CEP89: variants seen among roughly 807,000 people sequenced by gnomAD.
CEP89 encodes centrosomal protein 89.
In CEP89, 95 loss-of-function variants were observed where a neutral mutation model predicts 97.6. That is an observed-to-expected ratio of 0.97 (90% CI 0.82 to 1.15). The LOEUF is 1.15. Ranked by LOEUF, CEP89 falls within the 50% of genes most tolerant of loss-of-function variation. The pLI is 0.00. For synonymous variants in CEP89, 354 were observed against 349.1 expected, an observed-to-expected ratio of 1.01 and a Z score of -0.16; for missense variants, 869 against 947.7, an observed-to-expected ratio of 0.92 and a Z score of 1.09.
chr19:32,895,712 G>GA (rs1204354875), intron 16 of CEP89, among the ~76,000 whole-genome samples: 2 of 148,040 alleles, frequency 1.4e-5, no homozygotes, highest in Middle Eastern at 3.4e-3. Context: ...CTTATATTTA[G>GA]AAAAAACTAG....
In CEP89 at chr19:32,878,991, CA is replaced by C; in HGVS notation, c.*170del. ...AAAAAAAAAAAATTAAAAAATAAAG[CA>C]AAATGTTATCAATGGATTAAACTAT... On this transcript the variant is annotated 3_prime_UTR_variant, in exon 19 of 19. Transcript: ENST00000305768. 2.2e-6 allele frequency: 1 copy of C among 461,698 alleles called. No homozygotes were observed. Among genetic ancestry groups the C allele is most frequent in the South Asian group, 5.8e-5 (1 of 17,184 alleles). 28.6% of individuals were successfully genotyped at this position (461,698 alleles called of 1,614,324 possible).
chr19:32,910,985 T>C (rs1220450067), intron 14 of CEP89, among the ~76,000 whole-genome samples: 3 of 152,244 alleles, frequency 2.0e-5, no homozygotes, highest in Non-Finnish European at 2.9e-5. Context: ...AACACAGTCA[T>C]TTACTATCAT....
chr19:32,911,652 A>G (rs1297137085), intron 14 of CEP89, among the ~76,000 whole-genome samples: 1 of 152,096 alleles, frequency 6.6e-6, no homozygotes, highest in South Asian at 2.1e-4. Flanking sequence ...ATCTCATCTC[A>G]AAAAAGAAAA....
Position 32,931,680 on chromosome 19 carries a change from A to G in CEP89, c.887-109T>C, listed in dbSNP as rs1182669169. On this transcript the variant is annotated intron_variant, in intron 8 of 18. Coordinates refer to ENST00000305768, the MANE Select transcript of CEP89 (RefSeq NM_032816.5). ...TCTCCCCTCTTTCACGCTCAGAGGC[A>G]ATGAACTGTGTGTGCGTGTGTGTCT... The G allele has an allele frequency of 2.2e-5, 18 of 831,770 alleles. No individual in the cohort carries two copies. The East Asian group carries it at 4.9e-4, about 23-fold the overall frequency. The allele number at this position is 831,770 out of a possible 1,614,324, so 51.5% of individuals were successfully genotyped here.
intron 9 of CEP89, among the ~76,000 whole-genome samples, chr19:32,928,138 A>G (rs926544460): frequency 6.6e-6 from 1 of 150,932 alleles, no homozygotes; most frequent in African/African-American, 2.4e-5. Context: ...CTGGTCTCGA[A>G]CTCCTGACCT....
intron 7 of CEP89, among the ~76,000 whole-genome samples, chr19:32,935,740 C>A (rs1970566399): frequency 6.6e-6 from 1 of 152,146 alleles, no homozygotes; most frequent in South Asian, 2.1e-4. Flanking sequence ...GTGGCCCAAG[C>A]CTCTTGCTCC....
intron 4 of CEP89, 62 bp downstream of exon 4, chr19:32,953,553 A>T (rs1970970467): frequency 1.5e-6 from 2 of 1,353,136 alleles, no homozygotes; most frequent in African/African-American, 2.9e-5. Context: ...GCAATGCACT[A>T]ATTTACCAAA....
intron 14 of CEP89, 86 bp from the exon 15 acceptor site, chr19:32,901,498 C>T: frequency 1.5e-6 from 2 of 1,367,696 alleles, no homozygotes; most frequent in Admixed American, 2.1e-5. Context: ...TGAGTGATAA[C>T]AGCCCAGCCC....
chr19:32,901,484 A>G lies in CEP89; in HGVS notation c.1566-72T>C, dbSNP rs1480377349. On this transcript the variant is annotated intron_variant, in intron 14 of 18. Transcript: ENST00000305768. ...AAAATGGGGCAGTCACATAACGAGG[A>G]AGATGAGTGATAACAGCCCAGCCCT... The G allele has an allele frequency of 4.0e-6, 6 of 1,488,606 alleles. No individual in the cohort carries two copies. In the African/African-American group the frequency reaches 8.4e-5, roughly 21 times the overall value. The allele number at this position is 1,488,606 out of a possible 1,614,324, so 92.2% of individuals were successfully genotyped here.
At chr19:32,884,641 G>A (rs781335420) in intron 17 of CEP89, among the ~76,000 whole-genome samples, 1 of 152,138 alleles carries the variant, frequency 6.6e-6, no homozygotes, top group Non-Finnish European at 1.5e-5. Flanking sequence ...GTGCAGTGGT[G>A]TGATCATAGC....
chr19:32,931,524 C>A lies in CEP89; in HGVS notation c.934G>T (p.Val312Leu), dbSNP rs1228742635. ...ATTTTCAATCCATCATTTTCATCCA[C>A]CAGTTCTTGAGCTTGTTTTCGCAGA... The part of the protein sequence containing the change: ...LYLRKQAQEL[V>L]DENDGLKMTV... Residue 312 changes from valine to leucine, a missense_variant, in exon 9 of 19, where the codon GTG (valine) becomes TTG (leucine). Coordinates refer to ENST00000305768, the MANE Select transcript of CEP89 (RefSeq NM_032816.5). 1 of 1,587,600 alleles carries A rather than the reference C, an allele frequency of 6.3e-7. No homozygotes were observed. The highest frequency in any genetic ancestry group is 2.3e-5 in the East Asian group (1 of 43,288).
chr19:32,906,321 T>C (rs1024237956), intron 14 of CEP89, among the ~76,000 whole-genome samples: 6 of 152,220 alleles, frequency 3.9e-5, no homozygotes, highest in African/African-American at 9.6e-5. Context: ...ACCCCCATAC[T>C]AGTTTAAAAG....
chr19:32,898,584 G>C (rs1237660578), intron 16 of CEP89, among the ~76,000 whole-genome samples: 1 of 152,106 alleles, frequency 6.6e-6, no homozygotes, highest in Non-Finnish European at 1.5e-5. Context: ...TCCACACCCA[G>C]AAATGATAAA....
At chr19:32,909,651 GA>G (rs1969957540) in intron 14 of CEP89, among the ~76,000 whole-genome samples, 1 of 152,184 alleles carries the variant, frequency 6.6e-6, no homozygotes, top group South Asian at 2.1e-4. Flanking sequence ...GACTAAACAT[GA>G]TTACCAGAAT....
chr19:32,913,305 ATTT>A (rs869246232), intron 14 of CEP89, among the ~76,000 whole-genome samples: 231 of 6,668 alleles, frequency 0.035, no homozygotes, highest in East Asian at 0.19. Context: ...ATATATATAT[ATTT>A]TTTTGTTGTT....
intron 5 of CEP89, among the ~76,000 whole-genome samples, chr19:32,942,948 C>T (rs934452146): frequency 6.6e-6 from 1 of 151,322 alleles, no homozygotes; most frequent in Admixed American, 6.6e-5. Context: ...CGAGCTCAAG[C>T]GATCTTCCTG....
intron 17 of CEP89, among the ~76,000 whole-genome samples, chr19:32,887,286 C>T (rs922495244): frequency 3.3e-5 from 5 of 151,560 alleles, no homozygotes; most frequent in African/African-American, 7.3e-5. Context: ...GGTGTGACCT[C>T]GGCTCACCAC....
intron 17 of CEP89, among the ~76,000 whole-genome samples, 168 bp from the exon 18 acceptor site, chr19:32,882,181 A>AGG (rs1400957253): frequency 6.6e-6 from 1 of 152,224 alleles, no homozygotes; most frequent in Non-Finnish European, 1.5e-5. Flanking sequence ...AAAGTCATAA[A>AGG]AAGTGACAAA....
intron 3 of CEP89, among the ~76,000 whole-genome samples, chr19:32,956,537 G>GT (rs1279028544): frequency 6.6e-6 from 1 of 151,514 alleles, no homozygotes; most frequent in Non-Finnish European, 1.5e-5. Context: ...GATGATTTTT[G>GT]TATTTTTTTG....
Sources: allele counts gnomAD v4.1 joint callset (sites outside exome capture counted in the v4.1 genomes callset), GRCh38; gene constraint gnomAD v4.1.1; transcripts MANE v1.5; gene names NCBI Gene and HGNC (gene_info 2026-07-23, HGNC 2026-07-21).